Variants in GRIP1 observed in about 807,000 individuals in gnomAD.
The protein encoded by GRIP1 is glutamate receptor-interacting protein 1.
In GRIP1, 45 loss-of-function variants were observed where a neutral mutation model predicts 129.9. That is an observed-to-expected ratio of 0.35 (90% CI 0.27 to 0.44). The LOEUF (loss-of-function observed/expected upper bound fraction) is 0.44, where lower values mean the gene tolerates loss of function less well. Ranked by LOEUF, GRIP1 falls within the 20% of genes least tolerant of loss-of-function variation. The probability of loss-of-function intolerance (pLI) is 1.00; values close to 1 mark genes in which losing one functional copy is unlikely to be tolerated. For missense variants in GRIP1, 1,196 were observed against 1,396.8 expected, an observed-to-expected ratio of 0.86 and a Z score of 2.29; for synonymous variants, 530 against 520.8, an observed-to-expected ratio of 1.02 and a Z score of -0.24.
intron 1 of GRIP1, among the ~76,000 whole-genome samples, chr12:66,789,215 G>A (rs1472644830): frequency 6.6e-6 from 1 of 152,118 alleles, no homozygotes; most frequent in Non-Finnish European, 1.5e-5. Context: ...AATACACATT[G>A]AGAACCTGCA....
chr12:66,847,682 C>CA (rs2039842622), intron 1 of GRIP1, among the ~76,000 whole-genome samples: 2 of 151,976 alleles, frequency 1.3e-5, no homozygotes, highest in South Asian at 4.2e-4. Context: ...ATTTTCTGTT[C>CA]AAAAAAATCC....
intron 7 of GRIP1, among the ~76,000 whole-genome samples, chr12:66,515,154 C>G (rs1206847265): frequency 1.3e-5 from 2 of 151,888 alleles, no homozygotes; most frequent in Admixed American, 6.6e-5. Flanking sequence ...TTTCTTATCC[C>G]TAAATCTGAT....
Position 66,491,904 on chromosome 12 carries a change from C to T in GRIP1, c.724+23715G>A, listed in dbSNP as rs144039530. ...TCCCTATCATCATTCTACAGAAAGT[C>T]GGATTCCTCCTCAATCTAAAAATAG... On this transcript the variant is annotated intron_variant, in intron 7 of 24. Transcript: ENST00000359742. Among the ~76,000 whole-genome samples the T allele has an allele frequency of 9.2e-5, 14 of 152,240 alleles. No homozygotes were observed. The East Asian group carries it at 2.1e-3, about 23-fold the overall frequency.
At chr12:66,467,900 T>C (rs930341719) in intron 7 of GRIP1, among the ~76,000 whole-genome samples, 1 of 152,248 alleles carries the variant, frequency 6.6e-6, no homozygotes, top group African/African-American at 2.4e-5. Flanking sequence ...CAATCACTTA[T>C]GTTTTTCCTC....
intron 11 of GRIP1, among the ~76,000 whole-genome samples, chr12:66,447,377 T>A (rs903792381): frequency 1.3e-4 from 20 of 152,208 alleles, no homozygotes; most frequent in Non-Finnish European, 2.6e-4. Flanking sequence ...CACAATCCTA[T>A]TAGGTCCTTA....
In GRIP1 at chr12:66,527,274, C is replaced by T. The variant is rs533776271; in HGVS notation, c.502+2557G>A. 7.9e-5 allele frequency among the ~76,000 whole-genome samples: 12 copies of T among 150,966 alleles called. 1 individual carries two copies. Among genetic ancestry groups the T allele is most frequent in the Non-Finnish European group, 1.2e-4 (8 of 67,730 alleles). ...CACGATAGCAAAGACTTGGAACCAA[C>T]CCAAATGTCCAACAATGATAGACTG... On this transcript the variant is annotated intron_variant, in intron 5 of 24. Transcript: ENST00000359742.
At chr12:66,692,305 C>T (rs890985474) in intron 1 of GRIP1, among the ~76,000 whole-genome samples, 1 of 152,142 alleles carries the variant, frequency 6.6e-6, no homozygotes, top group Admixed American at 6.5e-5. Flanking sequence ...AATTGTGTAA[C>T]CCTGTAGGAA....
intron 7 of GRIP1, among the ~76,000 whole-genome samples, chr12:66,511,638 A>G (rs1229180950): frequency 1.3e-5 from 2 of 152,160 alleles, no homozygotes; most frequent in African/African-American, 2.4e-5. Flanking sequence ...TAAATCATTA[A>G]GAGTCTTTTA....
At position 66,636,263 on chromosome 12, in the gene GRIP1, C is replaced by T. The variant is rs78433235; in HGVS notation, c.56-39336G>A. 1.4e-4 allele frequency among the ~76,000 whole-genome samples: 21 copies of T among 151,922 alleles called. No individual in the cohort carries two copies. In the East Asian group the frequency reaches 3.9e-3, roughly 28 times the overall value. On this transcript the variant is annotated intron_variant, in intron 1 of 24. Coordinates refer to ENST00000359742, the MANE Select transcript of GRIP1 (RefSeq NM_001366722.1). ...TACCAGGGGCTGACAGGAGAGGGAA[C>T]GGGGAGTTATTGTTTAATAGGTAGA...
intron 1 of GRIP1, among the ~76,000 whole-genome samples, chr12:66,788,261 AG>A (rs2038421442): frequency 2.0e-5 from 3 of 151,754 alleles, no homozygotes; most frequent in African/African-American, 4.8e-5. Context: ...TTTAAGCTAA[AG>A]CCAGTTTGAG....
At chr12:66,443,049 G>T (rs564502393) in intron 13 of GRIP1, among the ~76,000 whole-genome samples, 1 of 152,276 alleles carries the variant, frequency 6.6e-6, no homozygotes, top group South Asian at 2.1e-4. Context: ...AATTGGTAAG[G>T]GTTATTGGGT....
chr12:66,994,322 G>A (rs962251432), intron 1 of GRIP1, among the ~76,000 whole-genome samples: 5 of 151,526 alleles, frequency 3.3e-5, no homozygotes, highest in African/African-American at 4.8e-5. Flanking sequence ...TCATAGAAAC[G>A]CAAAGTTGAT....
At chr12:67,038,792 A>G (rs2043134931) in intron 1 of GRIP1, among the ~76,000 whole-genome samples, 2 of 152,188 alleles carry the variant, frequency 1.3e-5, no homozygotes, top group Admixed American at 1.3e-4. Context: ...TCCCCTCATA[A>G]TTAGTTCAAT....
chr12:66,983,578 A>C (rs562235432), intron 1 of GRIP1, among the ~76,000 whole-genome samples: 3 of 152,306 alleles, frequency 2.0e-5, no homozygotes, highest in African/African-American at 7.2e-5. Context: ...CATCTTGATA[A>C]AGCTTTTTTA....
intron 1 of GRIP1, among the ~76,000 whole-genome samples, chr12:66,754,456 A>T (rs1330705356): frequency 6.6e-6 from 1 of 152,206 alleles, no homozygotes; most frequent in Admixed American, 6.5e-5. Context: ...ATCCACACAC[A>T]TGCACACACA....
chr12:66,572,560 A>G (rs73323157), intron 2 of GRIP1, among the ~76,000 whole-genome samples: 2,176 of 152,324 alleles, frequency 0.014, 59 homozygotes, highest in African/African-American at 0.05. Flanking sequence ...ACAGCATGGA[A>G]AAAAGAAAGT....
chr12:66,846,599 G>T (rs1200275003), intron 1 of GRIP1, among the ~76,000 whole-genome samples: 2 of 152,342 alleles, frequency 1.3e-5, no homozygotes, highest in African/African-American at 4.8e-5. Context: ...TGGAGGCTAT[G>T]AATATGTTTC....
intron 1 of GRIP1, among the ~76,000 whole-genome samples, chr12:66,722,010 C>A (rs541345118): frequency 5.3e-5 from 8 of 152,132 alleles, no homozygotes; most frequent in African/African-American, 9.7e-5. Flanking sequence ...GGGAATGTTG[C>A]GGCTGGTTTG....
chr12:66,661,215 A>G (rs952311134), intron 1 of GRIP1, among the ~76,000 whole-genome samples: 1 of 152,042 alleles, frequency 6.6e-6, no homozygotes, highest in African/African-American at 2.4e-5. Flanking sequence ...TCCATCGCCA[A>G]TTTGAGAAAT....
Sources: gnomAD v4.1 joint callset for allele counts (sites outside exome capture counted in the v4.1 genomes callset) on GRCh38, gnomAD v4.1.1 for gene constraint, MANE v1.5 for transcripts, NCBI Gene and HGNC (gene_info 2026-07-23, HGNC 2026-07-21) for gene names.